The following RAC2 variants were observed in gnomAD, a reference collection of about 807,000 sequenced individuals.
The protein encoded by RAC2 is Rac family small GTPase 2.
Under a neutral mutation model 24.0 loss-of-function variants are expected in RAC2, and 1 was observed. That is an observed-to-expected ratio of 0.04 (90% CI 0.01 to 0.20). RAC2 has a LOEUF of 0.20. RAC2 is among the 10% of genes least tolerant of loss of function. The probability of loss-of-function intolerance (pLI) is 1.00; values close to 1 mark genes in which losing one functional copy is unlikely to be tolerated. For missense variants in RAC2, 130 were observed against 259.1 expected, an observed-to-expected ratio of 0.50 and a Z score of 3.42; for synonymous variants, 114 against 106.8, an observed-to-expected ratio of 1.07 and a Z score of -0.41.
intron 2 of RAC2, among the ~76,000 whole-genome samples, chr22:37,234,487 C>T (rs538038477): frequency 3.9e-5 from 6 of 152,296 alleles, no homozygotes; most frequent in Admixed American, 2.0e-4. Context: ...GCTGTGCCTC[C>T]GGGAATGCCC....
Position 37,231,938 on chromosome 22 carries a change from G to C in RAC2, c.282C>G (p.Arg94=). The change falls in exon 4 of 7, where the codon CGC becomes CGG. Residue 94 remains arginine, a synonymous_variant. Coordinates refer to ENST00000249071, the MANE Select transcript of RAC2 (RefSeq NM_002872.5). This position sits in a 1 kb window ranked among gnomAD's most constrained non-coding sequence, Gnocchi z 5.5. Reference sequence around the variant, plus strand: ...CCCACCCTGTCCAGCTCACCTTGGCGCGGACGTTCTCATAAGAGGCTGGGC... The same window carrying C: ...CCCACCCTGTCCAGCTCACCTTGGCCCGGACGTTCTCATAAGAGGCTGGGC... ...LVSPASYENV[R]AKWFPEVRHH... 1 of 1,551,966 alleles carries C rather than the reference G, an allele frequency of 6.4e-7. No individual in the cohort carries two copies. The highest frequency in any genetic ancestry group is 2.4e-5 in the East Asian group (1 of 40,928).
chr22:37,238,056 G>A (rs898906209), intron 2 of RAC2, among the ~76,000 whole-genome samples: 2 of 152,004 alleles, frequency 1.3e-5, no homozygotes, highest in Admixed American at 6.6e-5. Context: ...GGGGGAGGCA[G>A]AGATCATCAA....
intron 1 of RAC2, 138 bp from the exon 2 acceptor site, chr22:37,241,796 G>A: frequency 4.0e-6 from 3 of 759,050 alleles, no homozygotes; most frequent in African/African-American, 1.7e-5. Context: ...CATGTGAGAT[G>A]CCCCCTGTCT....
intron 1 of RAC2, 114 bp downstream of exon 1, chr22:37,244,000 C>T: frequency 7.0e-7 from 1 of 1,425,830 alleles, no homozygotes; most frequent in Non-Finnish European, 9.9e-7. Context: ...CTCCAAGCTG[C>T]CTTCCAGGGA....
intron 2 of RAC2, among the ~76,000 whole-genome samples, chr22:37,238,385 C>T (rs1335595399): frequency 6.6e-6 from 1 of 151,990 alleles, no homozygotes; most frequent in Non-Finnish European, 1.5e-5. Flanking sequence ...TACAGGCATG[C>T]ACCACCATGC....
chr22:37,232,073 T>C (rs1244773277), intron 3 of RAC2, 79 bp from the exon 4 acceptor site: 6 of 1,434,992 alleles, frequency 4.2e-6, no homozygotes, highest in Non-Finnish European at 2.9e-6. Flanking sequence ...GAGGTGGAGC[T>C]TGGGGCTCCC....
chr22:37,237,831 C>A (rs1927280005), intron 2 of RAC2, among the ~76,000 whole-genome samples: 1 of 151,782 alleles, frequency 6.6e-6, no homozygotes, highest in Admixed American at 6.6e-5. Context: ...GAGCTTCCAT[C>A]CAAGAGGAGG....
At chr22:37,234,039 A>C (rs77121303) in intron 2 of RAC2, among the ~76,000 whole-genome samples, 2 of 152,096 alleles carry the variant, frequency 1.3e-5, no homozygotes, top group South Asian at 4.1e-4. Context: ...TTGACTCCCA[A>C]TGTCTCCCGC....
intron 2 of RAC2, among the ~76,000 whole-genome samples, chr22:37,236,868 G>A (rs1004822882): frequency 5.9e-5 from 9 of 152,200 alleles, no homozygotes; most frequent in Admixed American, 4.6e-4. Flanking sequence ...GCCAAGCCAG[G>A]CAGAGGTGAT....
intron 1 of RAC2, 115 bp from the exon 2 acceptor site, chr22:37,241,773 G>T: frequency 1.1e-6 from 1 of 903,102 alleles, no homozygotes; most frequent in Non-Finnish European, 1.8e-6. Context: ...AGCCCTCTGG[G>T]CCTCCGTCTC....
chr22:37,229,906 C>G (rs1927002924), intron 5 of RAC2, among the ~76,000 whole-genome samples: 1 of 152,234 alleles, frequency 6.6e-6, no homozygotes, highest in South Asian at 2.1e-4. Context: ...CTCCAGCACC[C>G]TCCACATGAT....
At chr22:37,232,733 G>C in intron 3 of RAC2, 68 bp downstream of exon 3, 1 of 1,356,466 alleles carries the variant, frequency 7.4e-7, no homozygotes. Context: ...CTGGCTGGAA[G>C]GGCATCCCAA....
At chr22:37,243,554 T>C (rs952006784) in intron 1 of RAC2, among the ~76,000 whole-genome samples, 4 of 151,600 alleles carry the variant, frequency 2.6e-5, no homozygotes, top group African/African-American at 9.7e-5. Flanking sequence ...GGAGAGAAAG[T>C]GGAGGGGGTG....
chr22:37,237,343 A>G (rs1927261043), intron 2 of RAC2, among the ~76,000 whole-genome samples: 1 of 152,084 alleles, frequency 6.6e-6, no homozygotes, highest in Admixed American at 6.5e-5. Context: ...TTACCGTGCT[A>G]TTGGTTGAAA....
In RAC2 at chr22:37,241,615, C is replaced by T. The variant is rs1162764913; in HGVS notation, c.79G>A (p.Ala27Thr). 3 of 1,613,936 alleles carry T rather than the reference C, an allele frequency of 1.9e-6. No homozygotes were observed. Among genetic ancestry groups the T allele is most frequent in the Non-Finnish European group, 2.5e-6 (3 of 1,179,912 alleles). ...TCLLISYTTN[A>T]FPGEYIPTVF... is the part of the protein sequence containing the mutation. ...GTGGGGATGTACTCTCCGGGAAAGG[C>T]GTTGGTGGTGTAGCTGATGAGAAGG... The change falls in exon 2 of 7, where the codon GCC (alanine) becomes ACC (threonine). Residue 27 changes from alanine to threonine, a missense_variant. Transcript: ENST00000249071.
At position 37,244,235 on chromosome 22, in the gene RAC2, G is replaced by C. The variant is rs1569093966; in HGVS notation, c.-87C>G. ...CGCAAGGGGTGTGGAGGCTGGTGAG[G>C]CGCCTGCTGAGGAGCAGCGGTGGTG... On this transcript the variant is annotated 5_prime_UTR_variant, in exon 1 of 7. Transcript: ENST00000249071. 6.7e-7 allele frequency: 1 copy of C among 1,492,086 alleles called. No individual in the cohort carries two copies. Among genetic ancestry groups the C allele is most frequent in the Non-Finnish European group, 9.2e-7 (1 of 1,083,970 alleles). The allele number at this position is 1,492,086 out of a possible 1,614,324, so 92.4% of individuals were successfully genotyped here. A position where few individuals can be genotyped will look rare whatever the true frequency, so the allele number is the denominator to read the frequency against.
chr22:37,228,133 C>G (rs2145821286), intron 5 of RAC2, among the ~76,000 whole-genome samples: 1 of 152,352 alleles, frequency 6.6e-6, no homozygotes, highest in Admixed American at 6.5e-5. Flanking sequence ...CCGTCCCTGT[C>G]TTACAGACAA....
At chr22:37,234,623 G>A (rs1049847245) in intron 2 of RAC2, among the ~76,000 whole-genome samples, 3 of 151,780 alleles carry the variant, frequency 2.0e-5, no homozygotes, top group African/African-American at 7.3e-5. Context: ...TCCTCCCCTC[G>A]CACACCAGCC....
At chr22:37,232,719 T>C (rs901523433) in intron 3 of RAC2, 82 bp downstream of exon 3, 10 of 1,224,708 alleles carry the variant, frequency 8.2e-6, no homozygotes, top group Admixed American at 5.2e-5. Context: ...TTTCCCAGGC[T>C]GAGCTGGCTG....
Sources: allele counts gnomAD v4.1 joint callset (sites outside exome capture counted in the v4.1 genomes callset), GRCh38; gene constraint gnomAD v4.1.1; non-coding constraint Gnocchi (gnomAD v3.1); transcripts MANE v1.5; gene names NCBI Gene and HGNC (gene_info 2026-07-23, HGNC 2026-07-21).